The following JMJD1C variants were observed in gnomAD, a reference collection of about 807,000 sequenced individuals.
The protein encoded by JMJD1C is jumonji domain containing 1C.
A neutral mutation model predicts 245.3 loss-of-function variants in JMJD1C; 31 were observed. The ratio of observed to expected loss-of-function variants is 0.13; its 90% CI spans 0.09 to 0.17. JMJD1C has a LOEUF of 0.17. JMJD1C is among the 10% of genes least tolerant of loss of function. The pLI, the probability that JMJD1C is intolerant of heterozygous loss-of-function variation, is 1.00. For missense variants in JMJD1C, 2,691 were observed against 3,000.2 expected (o/e 0.90, Z 2.41); for synonymous variants, 1,057 against 1,017.4 (o/e 1.04, Z -0.74).
intron 3 of JMJD1C, among the ~76,000 whole-genome samples, chr10:63,262,529 G>C (rs1461369728): frequency 6.6e-6 from 1 of 152,080 alleles, no homozygotes; most frequent in Non-Finnish European, 1.5e-5. Context: ...AAATTCGTAA[G>C]AAATTCTAAA....
chr10:63,289,981 TAATGAAAG>T (rs1415972265), intron 2 of JMJD1C, among the ~76,000 whole-genome samples: 4 of 152,022 alleles, frequency 2.6e-5, no homozygotes, highest in South Asian at 2.1e-4. Flanking sequence ...AAGGAAAGAT[TAATGAAAG>T]GTGAACAAAA....
chr10:63,247,663 C>T (rs1274753624), intron 3 of JMJD1C, among the ~76,000 whole-genome samples: 3 of 130,362 alleles, frequency 2.3e-5, no homozygotes, highest in Non-Finnish European at 4.6e-5. Context: ...GCCAGAGAGG[C>T]GAAGACTGCA....
intron 1 of JMJD1C, among the ~76,000 whole-genome samples, chr10:63,419,836 A>G (rs1021598372): frequency 1.4e-5 from 1 of 68,996 alleles, no homozygotes; most frequent in Non-Finnish European, 2.4e-5. Context: ...CCATGAAATA[A>G]AAAAAAAAAA....
At chr10:63,326,772 G>A (rs972904218) in intron 2 of JMJD1C, among the ~76,000 whole-genome samples, 1 of 152,124 alleles carries the variant, frequency 6.6e-6, no homozygotes, top group South Asian at 2.1e-4. Context: ...TCAGCTAATC[G>A]GGATGCTGAG....
At chr10:63,403,366 A>G (rs1948976241) in intron 1 of JMJD1C, among the ~76,000 whole-genome samples, 1 of 152,248 alleles carries the variant, frequency 6.6e-6, no homozygotes, top group African/African-American at 2.4e-5. Flanking sequence ...GGTACTTAAA[A>G]TCACTTAAGG....
At chr10:63,518,101 A>G (rs766267250) in intron 1 of JMJD1C, among the ~76,000 whole-genome samples, 32 of 152,168 alleles carry the variant, frequency 2.1e-4, no homozygotes, top group Non-Finnish European at 4.4e-4. Flanking sequence ...CATAATGGCC[A>G]CTTATTTCTT....
chr10:63,291,734 G>A (rs59292779), intron 2 of JMJD1C, among the ~76,000 whole-genome samples: 6 of 152,064 alleles, frequency 3.9e-5, no homozygotes, highest in Non-Finnish European at 8.8e-5. Context: ...TCAGCCTCCA[G>A]AGTAGCTGGG....
At chr10:63,202,917 TAC>T (rs1846185819) in intron 10 of JMJD1C, 1 of 977,632 alleles carries the variant, frequency 1.0e-6, no homozygotes, top group Middle Eastern at 5.3e-4. Context: ...ATAAACTAAA[TAC>T]AGTCTATTTC....
chr10:63,193,185 TTTC>T (rs1564581065), intron 15 of JMJD1C, 34 bp from the exon 16 acceptor site: 6 of 1,564,838 alleles, frequency 3.8e-6, no homozygotes, highest in Non-Finnish European at 5.3e-6. Flanking sequence ...TTTTAAACAC[TTTC>T]TTCAATAATT....
At chr10:63,229,039 G>C (rs1379233858) in intron 3 of JMJD1C, among the ~76,000 whole-genome samples, 1 of 151,936 alleles carries the variant, frequency 6.6e-6, no homozygotes, top group Non-Finnish European at 1.5e-5. Context: ...ATGAGAATAT[G>C]CATTAAAAAG....
chr10:63,262,428 A>AT (rs1314887523), intron 3 of JMJD1C, among the ~76,000 whole-genome samples: 1 of 152,160 alleles, frequency 6.6e-6, no homozygotes, highest in Non-Finnish European at 1.5e-5. Flanking sequence ...GGGAGAAAAT[A>AT]TTTTTATATT....
At chr10:63,432,761 AC>A (rs1333896931) in intron 1 of JMJD1C, among the ~76,000 whole-genome samples, 1 of 152,202 alleles carries the variant, frequency 6.6e-6, no homozygotes, top group Non-Finnish European at 1.5e-5. Flanking sequence ...AAACACAGAG[AC>A]CTAGAACAGC....
intron 1 of JMJD1C, among the ~76,000 whole-genome samples, chr10:63,484,798 A>G (rs1020278155): frequency 1.5e-4 from 23 of 152,156 alleles, no homozygotes; most frequent in Admixed American, 5.2e-4. Flanking sequence ...TATTAATGAC[A>G]TATTTCTGAC....
chr10:63,444,581 C>G (rs1378216733), intron 1 of JMJD1C, among the ~76,000 whole-genome samples: 1 of 151,040 alleles, frequency 6.6e-6, no homozygotes, highest in Non-Finnish European at 1.5e-5. Flanking sequence ...GTGGACATTT[C>G]TATTTAATTA....
At position 63,208,444 on chromosome 10, in the gene JMJD1C, T is replaced by G; in HGVS notation, c.3225A>C (p.Ser1075=). 6.2e-7 allele frequency: 1 copy of G among 1,614,024 alleles called. No individual in the cohort carries two copies. Among genetic ancestry groups the G allele is most frequent in the Non-Finnish European group, 8.5e-7 (1 of 1,179,974 alleles). The change falls in exon 10 of 26, where the codon TCA becomes TCC. Residue 1075 remains serine (S), a synonymous_variant. Transcript: ENST00000399262. ...KQDMDVERSV[S]DLYKMKHSVP... ...CTGAGTGCTTCATTTTATAAAGATC[T>G]GATACTGAGCGTTCTACATCCATAT... is the stretch of plus-strand genomic sequence containing the variant.
At chr10:63,418,536 C>T (rs1305925491) in intron 1 of JMJD1C, among the ~76,000 whole-genome samples, 1 of 152,030 alleles carries the variant, frequency 6.6e-6, no homozygotes. Flanking sequence ...GAAAGGATAC[C>T]TTCACAATTT....
intron 1 of JMJD1C, among the ~76,000 whole-genome samples, chr10:63,503,853 A>G (rs1210385354): frequency 3.3e-5 from 5 of 152,186 alleles, no homozygotes; most frequent in Non-Finnish European, 5.9e-5. Flanking sequence ...GACTGCTTAG[A>G]GTATGATCAT....
intron 1 of JMJD1C, among the ~76,000 whole-genome samples, chr10:63,493,405 A>G (rs955783909): frequency 1.3e-5 from 2 of 151,446 alleles, no homozygotes; most frequent in Non-Finnish European, 2.9e-5. Flanking sequence ...CCTCCGCCTC[A>G]TGAGTAGCTG....
intron 1 of JMJD1C, among the ~76,000 whole-genome samples, chr10:63,477,639 G>A (rs1443070050): frequency 6.6e-6 from 1 of 150,920 alleles, no homozygotes; most frequent in Admixed American, 6.6e-5. Flanking sequence ...AGATCTCAAC[G>A]TAAAATATAA....
Sources: allele counts gnomAD v4.1 joint callset (sites outside exome capture counted in the v4.1 genomes callset), GRCh38; gene constraint gnomAD v4.1.1; transcripts MANE v1.5; gene names NCBI Gene and HGNC (gene_info 2026-07-23, HGNC 2026-07-21).